NR1I3: variants seen among roughly 807,000 people sequenced by gnomAD.
The protein encoded by NR1I3 is nuclear receptor subfamily 1 group I member 3, also known as constitutive activator of retinoid response.
NR1I3 carries 30 observed loss-of-function variants against 38.4 expected under a neutral mutation model. The observed-to-expected ratio is 0.78, with a 90% CI of 0.58 to 1.06. NR1I3 has a LOEUF of 1.06. Ranked by LOEUF, NR1I3 falls within the 50% of genes least tolerant of loss-of-function variation. The probability of loss-of-function intolerance (pLI) is 0.00; values close to 1 mark genes in which losing one functional copy is unlikely to be tolerated. For synonymous variants in NR1I3, 143 were observed against 165.1 expected, an observed-to-expected ratio of 0.87 and a Z score of 1.03; for missense variants, 388 against 435.7, an observed-to-expected ratio of 0.89 and a Z score of 0.97.
At chr1:161,232,447 A>C (rs1667561126) in intron 5 of NR1I3, among the ~76,000 whole-genome samples, 1 of 152,050 alleles carries the variant, frequency 6.6e-6, no homozygotes, top group Non-Finnish European at 1.5e-5. Context: ...ACAGGCACCC[A>C]CCATCATGCC....
chr1:161,232,694 C>A, intron 5 of NR1I3, 113 bp downstream of exon 5: 1 of 1,056,044 alleles, frequency 9.5e-7, no homozygotes, highest in Non-Finnish European at 1.4e-6. Flanking sequence ...AATTCAAGAC[C>A]TAATGCTTGG....
intron 1 of NR1I3, among the ~76,000 whole-genome samples, chr1:161,236,917 T>A (rs1480332587): frequency 2.6e-5 from 4 of 151,358 alleles, no homozygotes; most frequent in African/African-American, 7.3e-5. Flanking sequence ...ATTTATTTAT[T>A]TTTTTTGTAG....
In NR1I3 at chr1:161,231,134, A is replaced by T. The variant is rs775354782; in HGVS notation, c.794T>A (p.Met265Lys). 5.6e-6 allele frequency: 9 copies of T among 1,614,050 alleles called. No individual in the cohort carries two copies. The highest frequency in any genetic ancestry group is 7.6e-6 in the Non-Finnish European group (9 of 1,180,028). ...QEPEYVLLAA[M>K]ALFSPDRPGV... is the part of the protein sequence containing the mutation. ...GTGCTCACCAGGAGAGAAGAGGGCCATGGCAGCCAAGAGCACATACTCAGG... is the reference window on the plus strand; with the variant it reads ...GTGCTCACCAGGAGAGAAGAGGGCCTTGGCAGCCAAGAGCACATACTCAGG... The change falls in exon 7 of 9, where the codon ATG (methionine) becomes AAG (lysine). Residue 265 changes from methionine to lysine, a missense_variant. Coordinates refer to ENST00000367983, the MANE Select transcript of NR1I3 (RefSeq NM_005122.5).
rs1415210643 is a variant in NR1I3, at chr1:161,231,464, T to TGGGCAGGGAACTGTGGA, written c.549-7_558dup (p.Ile187SerfsTer56). ...TTGAGAAGGGAGATCTGGTCTTCAA[T>TGGGCAGGGAACTGTGGA]GGGCAGGGAACTGTGGAAAGCAGGA... On this transcript the variant is annotated frameshift_variant, in exon 6 of 9. Transcript: ENST00000367983. LOFTEE classifies it high-confidence loss of function. 6.3e-7 allele frequency: 1 copy of TGGGCAGGGAACTGTGGA among 1,576,980 alleles called. No homozygotes were observed. Among genetic ancestry groups the TGGGCAGGGAACTGTGGA allele is most frequent in the East Asian group, 2.2e-5 (1 of 44,758 alleles).
chr1:161,233,828 CATATAT>C (rs57046815), intron 3 of NR1I3, among the ~76,000 whole-genome samples: 1 of 128,940 alleles, frequency 7.8e-6, no homozygotes, highest in African/African-American at 3.2e-5. Context: ...TGGTATTCAT[CATATAT>C]ATATGTGTGT....
intron 3 of NR1I3, among the ~76,000 whole-genome samples, chr1:161,234,652 T>C (rs116445252): frequency 0.012 from 1,882 of 152,222 alleles, 18 homozygotes; most frequent in Middle Eastern, 0.058. Context: ...ACAATCCTCT[T>C]GTCTCAGCCT....
At chr1:161,231,075 A>G in intron 7 of NR1I3, 42 bp downstream of exon 7, 4 of 1,614,082 alleles carry the variant, frequency 2.5e-6, no homozygotes, top group Non-Finnish European at 1.7e-6. Flanking sequence ...ATTTGGGCAG[A>G]GGTGGTGCAG....
Position 161,236,665 on chromosome 1 carries a change from A to T in NR1I3, c.-33-67T>A, listed in dbSNP as rs543329472. The T allele has an allele frequency of 1.4e-3, 2,161 of 1,516,096 alleles. 6 individuals are homozygous for T. The highest frequency in any genetic ancestry group is 1.6e-3 in the Non-Finnish European group (1,847 of 1,131,768). 93.9% of individuals were successfully genotyped at this position (1,516,096 alleles called of 1,614,324 possible). ...TGACCCTTTTCTGTCCCTTCTAGAGAGTCTCTTTCCAAACCAAACCAAACA... is the reference window on the plus strand; with the variant it reads ...TGACCCTTTTCTGTCCCTTCTAGAGTGTCTCTTTCCAAACCAAACCAAACA... On this transcript the variant is annotated intron_variant, in intron 1 of 8. Coordinates refer to ENST00000367983, the MANE Select transcript of NR1I3 (RefSeq NM_005122.5).
intron 3 of NR1I3, chr1:161,235,302 T>C (rs1476336500): frequency 8.2e-6 from 1 of 122,456 alleles, no homozygotes; most frequent in Non-Finnish European, 1.7e-5. Context: ...TCTGGCTCTG[T>C]CACCCAGGCT....
At chr1:161,234,694 C>T (rs1026373522) in intron 3 of NR1I3, among the ~76,000 whole-genome samples, 1 of 152,208 alleles carries the variant, frequency 6.6e-6, no homozygotes, top group Non-Finnish European at 1.5e-5. Context: ...GTGTGAGCCA[C>T]CGTGCTCGGC....
intron 3 of NR1I3, 132 bp downstream of exon 3, chr1:161,235,715 G>C: frequency 1.1e-5 from 12 of 1,120,442 alleles, no homozygotes; most frequent in Non-Finnish European, 1.5e-5. Context: ...TGGATGTCTT[G>C]AGTGAATAGT....
At chr1:161,236,302 T>A (rs924739015) in intron 2 of NR1I3, 157 bp downstream of exon 2, 1 of 836,400 alleles carries the variant, frequency 1.2e-6, no homozygotes, top group Non-Finnish European at 1.8e-6. Flanking sequence ...TACAGTGATG[T>A]GTTTGGCAAG....
Position 161,233,153 on chromosome 1 carries a change from T to A in NR1I3, c.408+16A>T. On this transcript the variant is annotated intron_variant, in intron 4 of 8. Transcript: ENST00000367983. ...CCTTTTAGTTGTATTCCAACCCAAA[T>A]CCTGTCGGTGCTCACCCTAAACTGC... 1 of 1,610,762 alleles carries A rather than the reference T, an allele frequency of 6.2e-7. No homozygotes were observed. The highest frequency in any genetic ancestry group is 8.5e-7 in the Non-Finnish European group (1 of 1,177,114).
intron 3 of NR1I3, chr1:161,235,259 T>TC (rs56874373): frequency 0.05 from 2,671 of 53,394 alleles, 576 homozygotes; most frequent in African/African-American, 0.18. Context: ...GCTTGGTGTT[T>TC]TTTTTTTTTT....
rs113342035 is a variant in NR1I3 at position 161,230,044 on chromosome 1, A to T, written c.918-118T>A. 1.5e-5 allele frequency: 18 copies of T among 1,241,324 alleles called. No individual in the cohort carries two copies. The African/African-American group carries it at 1.7e-4, about 11-fold the overall frequency. 76.9% of individuals were successfully genotyped at this position (1,241,324 alleles called of 1,614,324 possible). Reference sequence around the variant, plus strand: ...CTCAGTGAAGCCAGGTCTGAACATTAGAGAAAATCATGCTCTGGTATGACA... The same window carrying T: ...CTCAGTGAAGCCAGGTCTGAACATTTGAGAAAATCATGCTCTGGTATGACA... On this transcript the variant is annotated intron_variant, in intron 8 of 8. Coordinates refer to ENST00000367983, the MANE Select transcript of NR1I3 (RefSeq NM_005122.5).
At chr1:161,235,272 T>TTTC (rs1668367591) in intron 3 of NR1I3, 1 of 127,370 alleles carries the variant, frequency 7.9e-6, no homozygotes. Context: ...TTTTTTTTTT[T>TTTC]TTTTTTTTTT....
intron 5 of NR1I3, among the ~76,000 whole-genome samples, chr1:161,231,853 A>G (rs926126574): frequency 2.6e-5 from 4 of 151,940 alleles, no homozygotes; most frequent in African/African-American, 9.7e-5. Context: ...GTAAAGATGG[A>G]GTCTTACTAT....
intron 1 of NR1I3, among the ~76,000 whole-genome samples, chr1:161,237,587 A>T (rs75114882): frequency 2.0e-5 from 3 of 151,276 alleles, no homozygotes; most frequent in African/African-American, 7.3e-5. Context: ...GCATCGTGGC[A>T]TGTGCCTGTA....
chr1:161,232,547 C>T (rs1044175817), intron 5 of NR1I3, among the ~76,000 whole-genome samples: 1 of 152,142 alleles, frequency 6.6e-6, no homozygotes, highest in Non-Finnish European at 1.5e-5. Context: ...ATCTGCCAGC[C>T]TCCGCCTCCC....
Sources: gnomAD v4.1 joint callset for allele counts (sites outside exome capture counted in the v4.1 genomes callset) on GRCh38, gnomAD v4.1.1 for gene constraint, MANE v1.5 for transcripts, NCBI Gene and HGNC (gene_info 2026-07-23, HGNC 2026-07-21) for gene names.